The following LIPA variants were observed in gnomAD, a reference collection of about 807,000 sequenced individuals.
LIPA encodes lipase A, lysosomal acid type.
A neutral mutation model predicts 40.6 loss-of-function variants in LIPA; 26 were observed. That is an observed-to-expected ratio of 0.64 (90% CI 0.47 to 0.89). The LOEUF (loss-of-function observed/expected upper bound fraction) is 0.89. Ranked by LOEUF, LIPA falls within the 40% of genes least tolerant of loss-of-function variation. LIPA has a pLI of 0.00. For missense variants in LIPA, 455 were observed against 479.6 expected (o/e 0.95, Z 0.48); for synonymous variants, 188 against 168.4 (o/e 1.12, Z -0.90).
At chr10:89,251,012 GA>G (rs1370506151) in intron 1 of LIPA, among the ~76,000 whole-genome samples, 1 of 152,152 alleles carries the variant, frequency 6.6e-6, no homozygotes, top group East Asian at 1.9e-4. Flanking sequence ...TACAGATTCT[GA>G]AAAAAGATAA....
In LIPA at chr10:89,384,316, T is replaced by A. The variant is rs772398886; in HGVS notation, c.61+28475A>T. The A allele has an allele frequency of 6.2e-7, 1 of 1,614,222 alleles. No homozygotes were observed. The highest frequency in any genetic ancestry group is 1.1e-5 in the South Asian group (1 of 91,080). On this transcript the variant is annotated intron_variant, in intron 2 of 8. Coordinates refer to the LIPA transcript ENST00000371837. ...ATGCAAATTTGAAAAGACTATAATG[T>A]TAAAGCGAACATTTGAGATGGCCTA...
chr10:89,393,171 C>T (rs1314627075), intron 2 of LIPA: 1 of 1,290,532 alleles, frequency 7.7e-7, no homozygotes, highest in Non-Finnish European at 1.0e-6. Flanking sequence ...TGCAGCCTCT[C>T]TGATGTCTTG....
chr10:89,383,610 C>A (rs752871530), intron 2 of LIPA: 5 of 1,614,196 alleles, frequency 3.1e-6, no homozygotes, highest in Admixed American at 1.7e-5. Context: ...TGACCTGGGG[C>A]AACTTTGCCT....
chr10:89,330,702 C>A (rs1843641210), intron 1 of LIPA, among the ~76,000 whole-genome samples: 1 of 152,172 alleles, frequency 6.6e-6, no homozygotes, highest in Admixed American at 6.5e-5. Context: ...CAGAACTAAG[C>A]AAAGAGGTCA....
chr10:89,336,551 C>G (rs17119593), intron 1 of LIPA, among the ~76,000 whole-genome samples: 9,427 of 152,250 alleles, frequency 0.062, 700 homozygotes, highest in African/African-American at 0.18. Context: ...GGCCAGTGCT[C>G]GTCCATGGTA....
In LIPA at chr10:89,217,520, A is replaced by T. The variant is rs142204746; in HGVS notation, c.895-1511T>A. ...ATCACTTTGTCACATGTCCTTCAGC[A>T]TTCATATGAAGCACCAGCGTGAGCA... On this transcript the variant is annotated intron_variant, in intron 8 of 9. Transcript: ENST00000336233. Among the ~76,000 whole-genome samples the T allele has an allele frequency of 2.8e-3, 420 of 152,378 alleles. 1 individual carries two copies. Among genetic ancestry groups the T allele is most frequent in the African/African-American group, 9.2e-3 (383 of 41,592 alleles).
In LIPA at chr10:89,228,249, G is replaced by T. The variant is rs140686447; in HGVS notation, c.379C>A (p.Arg127=). ...MGNSRGNTWS[R]KHKTLSVSQD... ...GAAACTGAGAGTGTCTTATGTTTCC[G>T]AGACCAGGTATTTCCTCTGCTGTTG... is the stretch of plus-strand genomic sequence containing the variant. Residue 127 remains arginine, a synonymous_variant, in exon 4 of 10, where the codon CGG becomes AGG. Transcript: ENST00000336233. 6.2e-7 allele frequency: 1 copy of T among 1,614,098 alleles called. No individual in the cohort carries two copies. Among genetic ancestry groups the T allele is most frequent in the Admixed American group, 1.7e-5 (1 of 60,014 alleles).
chr10:89,336,812 T>C (rs1175523307), intron 1 of LIPA, among the ~76,000 whole-genome samples: 3 of 152,220 alleles, frequency 2.0e-5, no homozygotes, highest in African/African-American at 4.8e-5. Context: ...GGTTTAATGA[T>C]TTCTGGAGGT....
At chr10:89,373,899 GC>G (rs1844106670) in intron 2 of LIPA, among the ~76,000 whole-genome samples, 1 of 152,138 alleles carries the variant, frequency 6.6e-6, no homozygotes. Context: ...ATCCTGAGTA[GC>G]AAAAATCTAG....
At chr10:89,281,634 C>T (rs1253890426) in intron 1 of LIPA, among the ~76,000 whole-genome samples, 1 of 152,224 alleles carries the variant, frequency 6.6e-6, no homozygotes, top group Non-Finnish European at 1.5e-5. Flanking sequence ...GATGTGAACT[C>T]AAGCACTGAT....
chr10:89,322,850 G>A (rs970241579), intron 1 of LIPA, among the ~76,000 whole-genome samples: 1 of 152,218 alleles, frequency 6.6e-6, no homozygotes, highest in African/African-American at 2.4e-5. Context: ...CTCCCAGGAA[G>A]CACCTGGAGG....
intron 2 of LIPA, among the ~76,000 whole-genome samples, chr10:89,356,126 C>A (rs954367802): frequency 6.6e-6 from 1 of 152,104 alleles, no homozygotes; most frequent in Non-Finnish European, 1.5e-5. Context: ...CTCCAAGAAC[C>A]CCCTTTTTGA....
At chr10:89,334,637 C>A (rs12259768) in intron 1 of LIPA, among the ~76,000 whole-genome samples, 1 of 151,092 alleles carries the variant, frequency 6.6e-6, no homozygotes. Flanking sequence ...GGATTACAGG[C>A]GCCTGCCACC....
chr10:89,253,646 C>A (rs1466617504), upstream of LIPA, among the ~76,000 whole-genome samples: 1 of 152,146 alleles, frequency 6.6e-6, no homozygotes, highest in African/African-American at 2.4e-5. Context: ...CCCAGTAGTC[C>A]CCCAAAGTCT....
chr10:89,327,998 C>A lies in LIPA; in HGVS notation c.-2+14613G>T, dbSNP rs191781175. ...TAGTTCCTTCAGTATTTACTTGAGG[C>A]AGACAGGAAGACTTCTGAAGAACAA... is the stretch of plus-strand genomic sequence containing the variant. On this transcript the variant is annotated intron_variant, in intron 1 of 5. Transcript: ENST00000282673. 745 of 1,516,616 alleles carry A rather than the reference C, an allele frequency of 4.9e-4. 1 individual carries two copies. The highest frequency in any genetic ancestry group is 3.3e-4 in the Admixed American group (20 of 59,756). 93.9% of individuals were successfully genotyped at this position (1,516,616 alleles called of 1,614,324 possible). A position where few individuals can be genotyped will look rare whatever the true frequency, so the allele number is the denominator to read the frequency against.
chr10:89,287,767 T>C (rs1843349302), intron 1 of LIPA, among the ~76,000 whole-genome samples: 1 of 152,048 alleles, frequency 6.6e-6, no homozygotes, highest in South Asian at 2.1e-4. Flanking sequence ...GCCTATAAAC[T>C]CTCCTTACAA....
intron 3 of LIPA, among the ~76,000 whole-genome samples, chr10:89,236,469 G>A (rs1168020244): frequency 3.3e-5 from 5 of 152,128 alleles, no homozygotes; most frequent in Non-Finnish European, 5.9e-5. Context: ...TGTTTAGCAC[G>A]ATATCATAAA....
intron 1 of LIPA, among the ~76,000 whole-genome samples, chr10:89,288,641 C>G (rs555349480): frequency 1.3e-5 from 2 of 152,104 alleles, no homozygotes; most frequent in African/African-American, 4.8e-5. Flanking sequence ...CCTGATCACA[C>G]TTGGTTTATT....
At chr10:89,343,496 G>A (rs998094932), upstream of LIPA, among the ~76,000 whole-genome samples, 18 of 152,198 alleles carry the variant, frequency 1.2e-4, no homozygotes, top group African/African-American at 4.3e-4. Context: ...AGGAATTCTA[G>A]TTTCCATGGT....
Sources: allele counts gnomAD v4.1 joint callset (sites outside exome capture counted in the v4.1 genomes callset), GRCh38; gene constraint gnomAD v4.1.1; transcripts MANE v1.5; gene names NCBI Gene and HGNC (gene_info 2026-07-23, HGNC 2026-07-21).